The following AURKA variants were observed in gnomAD, a reference collection of about 807,000 sequenced individuals.
The protein encoded by AURKA is aurora 2.
In AURKA, 12 loss-of-function variants were observed where a neutral mutation model predicts 40.9. That is an observed-to-expected ratio of 0.29 (90% CI 0.19 to 0.48). The LOEUF is 0.48. AURKA is among the 20% of genes least tolerant of loss of function. AURKA has a pLI of 0.99. For synonymous variants in AURKA, 170 were observed against 164.3 expected, an observed-to-expected ratio of 1.03 and a Z score of -0.26; for missense variants, 322 against 462.1, an observed-to-expected ratio of 0.70 and a Z score of 2.78.
At chr20:56,371,905 G>A (rs538542660) in intron 7 of AURKA, among the ~76,000 whole-genome samples, 12 of 152,334 alleles carry the variant, frequency 7.9e-5, no homozygotes, top group African/African-American at 2.6e-4. Flanking sequence ...GAAGCATCAT[G>A]ATGTTTGCAA....
chr20:56,370,020 C>A lies in AURKA; in HGVS notation c.*138G>T, dbSNP rs2146116772. On this transcript the variant is annotated 3_prime_UTR_variant, in exon 9 of 9. Transcript: ENST00000395915. ...TCTGAATAGGGAGGTTAAGGCACACCTGCTGAGTAAAACAAATATTTCTTG... is the reference window on the plus strand; with the variant it reads ...TCTGAATAGGGAGGTTAAGGCACACATGCTGAGTAAAACAAATATTTCTTG... 3.6e-6 allele frequency: 4 copies of A among 1,124,574 alleles called. No individual in the cohort carries two copies. Among genetic ancestry groups the A allele is most frequent in the Non-Finnish European group, 5.3e-6 (4 of 749,580 alleles). 69.7% of individuals were successfully genotyped at this position (1,124,574 alleles called of 1,614,324 possible).
intron 2 of AURKA, among the ~76,000 whole-genome samples, chr20:56,387,142 C>G (rs1424800097): frequency 2.6e-5 from 4 of 152,070 alleles, no homozygotes; most frequent in African/African-American, 9.7e-5. Context: ...CACAAAGTTA[C>G]TACTAAAATG....
chr20:56,383,833 A>G (rs959358991), intron 4 of AURKA, among the ~76,000 whole-genome samples: 1 of 152,242 alleles, frequency 6.6e-6, no homozygotes, highest in Non-Finnish European at 1.5e-5. Context: ...TGGGGAAGAC[A>G]TTACAGCCAA....
chr20:56,370,951 A>C (rs917436414), intron 7 of AURKA, among the ~76,000 whole-genome samples: 4 of 152,362 alleles, frequency 2.6e-5, no homozygotes, highest in Non-Finnish European at 5.9e-5. Flanking sequence ...GCTGCCATGC[A>C]AAGTTCTCTG....
chr20:56,370,783 A>T, intron 7 of AURKA, 124 bp from the exon 8 acceptor site: 1 of 995,086 alleles, frequency 1.0e-6, no homozygotes, highest in Non-Finnish European at 1.5e-6. Flanking sequence ...GTGCCCTAGG[A>T]AGTAGCTACT....
intron 2 of AURKA, among the ~76,000 whole-genome samples, chr20:56,387,434 G>A (rs191238732): frequency 3.2e-4 from 49 of 152,324 alleles, no homozygotes; most frequent in African/African-American, 1.1e-3. Context: ...TTACAGGCGT[G>A]AGCCACCGCG....
At position 56,384,286 on chromosome 20, in the gene AURKA, T is replaced by G; in HGVS notation, c.358A>C (p.Asn120His). 6.2e-7 allele frequency: 1 copy of G among 1,600,572 alleles called. No individual in the cohort carries two copies. The highest frequency in any genetic ancestry group is 8.6e-7 in the Non-Finnish European group (1 of 1,168,846). Residue 120 changes from asparagine to histidine, a missense_variant, in exon 4 of 9, where the codon AAT becomes CAT. Asn to His is a moderately conservative substitution (Grantham distance 68, BLOSUM62 1). Transcript: ENST00000395915. Reference sequence around the variant, plus strand: ...AAAGCTTACTTTTTTGATTCTTCATTTTTCTGTTTTGATGCCAGTTCCTCC... The same window carrying G: ...AAAGCTTACTTTTTTGATTCTTCATGTTTCTGTTTTGATGCCAGTTCCTCC... ...PEEELASKQK[N>H]EESKKRQWAL...
Position 56,370,352 on chromosome 20 carries a change from CA to C in AURKA, c.1030-13del. ...AATGTGAATTCAACCTGGAGTACAA[CA>C]AATGATAAAATATCACAAAACACAG... On this transcript the variant is annotated splice_polypyrimidine_tract_variant and intron_variant, in intron 8 of 8. Coordinates refer to ENST00000395915, the MANE Select transcript of AURKA (RefSeq NM_198437.3). 6.2e-7 allele frequency: 1 copy of C among 1,614,122 alleles called. No homozygotes were observed. Among genetic ancestry groups the C allele is most frequent in the African/African-American group, 1.3e-5 (1 of 75,026 alleles).
intron 2 of AURKA, among the ~76,000 whole-genome samples, chr20:56,387,894 A>AGG (rs2146210566): frequency 6.6e-6 from 1 of 152,322 alleles, no homozygotes; most frequent in African/African-American, 2.4e-5. Flanking sequence ...AACTCCTGCC[A>AGG]GATGCATTAT....
Position 56,369,904 on chromosome 20 carries a change from A to G in AURKA, c.*254T>C, listed in dbSNP as rs6099119. The G allele has an allele frequency of 4.3e-3, 2,453 of 571,954 alleles. 39 individuals carry two copies. The highest frequency in any genetic ancestry group is 0.04 in the African/African-American group (2,154 of 53,944). The allele number at this position is 571,954 out of a possible 1,614,324, so 35.4% of individuals were successfully genotyped here. A position where few individuals can be genotyped will look rare whatever the true frequency, so the allele number is the denominator to read the frequency against. On this transcript the variant is annotated 3_prime_UTR_variant, in exon 9 of 9. Transcript: ENST00000395915. ...CAGGCTGACGGGGCGGCTGCAGTCG[A>G]ACCTTGCCTCCAGATTATGAACCAG...
intron 7 of AURKA, among the ~76,000 whole-genome samples, 157 bp from the exon 8 acceptor site, chr20:56,370,816 A>C (rs1294475294): frequency 1.3e-5 from 2 of 152,210 alleles, no homozygotes; most frequent in Admixed American, 1.3e-4. Context: ...CATAGGAAAC[A>C]GATGAAGCGA....
chr20:56,389,234 C>T (rs1444853313), intron 1 of AURKA, among the ~76,000 whole-genome samples: 1 of 152,174 alleles, frequency 6.6e-6, no homozygotes, highest in East Asian at 1.9e-4. Flanking sequence ...TCTCCATCTA[C>T]ACCTTCACCA....
intron 6 of AURKA, among the ~76,000 whole-genome samples, chr20:56,378,927 G>A (rs1420741740): frequency 1.3e-5 from 2 of 152,080 alleles, no homozygotes; most frequent in Admixed American, 6.6e-5. Context: ...TTTCTTAAGA[G>A]CAGCGAAACT....
intron 3 of AURKA, 124 bp from the exon 4 acceptor site, chr20:56,384,448 T>TG: frequency 1.1e-5 from 8 of 756,142 alleles, no homozygotes; most frequent in South Asian, 5.0e-5. Context: ...ATGATAAATC[T>TG]GTTTTTTTTT....
intron 1 of AURKA, among the ~76,000 whole-genome samples, chr20:56,389,572 A>G (rs1047202401): frequency 2.0e-5 from 3 of 152,008 alleles, no homozygotes; most frequent in Non-Finnish European, 4.4e-5. Context: ...CCAAATATTC[A>G]TTCTTCAGCC....
intron 5 of AURKA, 36 bp from the exon 6 acceptor site, chr20:56,381,607 G>A: frequency 6.2e-7 from 1 of 1,611,142 alleles, no homozygotes; most frequent in Non-Finnish European, 8.5e-7. Flanking sequence ...CACTTGGTTT[G>A]GAGCTCACAG....
At chr20:56,380,476 T>C (rs373391996) in intron 6 of AURKA, among the ~76,000 whole-genome samples, 1 of 152,018 alleles carries the variant, frequency 6.6e-6, no homozygotes, top group Non-Finnish European at 1.5e-5. Context: ...CCCAGGAGTC[T>C]ACATCTTTAA....
At position 56,381,419 on chromosome 20, in the gene AURKA, A is replaced by AT. The variant is rs1225274181; in HGVS notation, c.705+13_705+14insA. On this transcript the variant is annotated intron_variant, in intron 6 of 8. Coordinates refer to ENST00000395915, the MANE Select transcript of AURKA (RefSeq NM_198437.3). ...AGGAAACACAATTAGCCTGGACAATAAATGAACACTTACAGTAGCAGTTCT... is the reference window on the plus strand; with the variant it reads ...AGGAAACACAATTAGCCTGGACAATATAATGAACACTTACAGTAGCAGTTCT... 1 of 1,612,002 alleles carries AT rather than the reference A, an allele frequency of 6.2e-7. No homozygotes were observed. Among genetic ancestry groups the AT allele is most frequent in the Non-Finnish European group, 8.5e-7 (1 of 1,179,808 alleles).
At chr20:56,372,687 G>A (rs1984425592) in intron 7 of AURKA, among the ~76,000 whole-genome samples, 1 of 151,958 alleles carries the variant, frequency 6.6e-6, no homozygotes, top group South Asian at 2.1e-4. Context: ...AAGTCATTTG[G>A]CTATAATTTG....
Sources: gnomAD v4.1 joint callset for allele counts (sites outside exome capture counted in the v4.1 genomes callset) on GRCh38, gnomAD v4.1.1 for gene constraint, MANE v1.5 for transcripts, NCBI Gene and HGNC (gene_info 2026-07-23, HGNC 2026-07-21) for gene names.